The following PKNOX1 variants were observed in gnomAD, a reference collection of about 807,000 sequenced individuals.
The protein encoded by PKNOX1 is homeobox protein PKNOX1.
PKNOX1 carries 15 observed loss-of-function variants against 51.9 expected under a neutral mutation model. The ratio of observed to expected loss-of-function variants is 0.29; its 90% CI spans 0.19 to 0.45. PKNOX1 has a LOEUF of 0.45. Ranked by LOEUF, PKNOX1 falls within the 20% of genes least tolerant of loss-of-function variation. PKNOX1 has a pLI of 1.00. For synonymous variants in PKNOX1, 219 were observed against 211.1 expected (o/e 1.04, Z -0.32); for missense variants, 462 against 547.5 (o/e 0.84, Z 1.56).
chr21:42,985,179 G>T (rs1050705593), intron 1 of PKNOX1, among the ~76,000 whole-genome samples: 1 of 151,658 alleles, frequency 6.6e-6, no homozygotes, highest in South Asian at 2.1e-4. Flanking sequence ...GTAGAGACAG[G>T]TTTCACCACG....
intron 1 of PKNOX1, among the ~76,000 whole-genome samples, chr21:42,982,282 A>C (rs1165773292): frequency 6.6e-6 from 1 of 152,200 alleles, no homozygotes; most frequent in Non-Finnish European, 1.5e-5. Flanking sequence ...GGGTCACTCA[A>C]AGGGGCTGTG....
At chr21:42,985,971 A>T in intron 1 of PKNOX1, among the ~76,000 whole-genome samples, 1 of 147,784 alleles carries the variant, frequency 6.8e-6, no homozygotes, top group African/African-American at 2.5e-5. Flanking sequence ...ATTGCAGTCT[A>T]GCCTGGGCAA....
At chr21:42,985,003 A>T (rs142232801) in intron 1 of PKNOX1, among the ~76,000 whole-genome samples, 715 of 61,380 alleles carry the variant, frequency 0.012, 5 homozygotes, top group Non-Finnish European at 0.017. Context: ...TTTTTTTTTG[A>T]GATGGAGTCT....
intron 2 of PKNOX1, among the ~76,000 whole-genome samples, chr21:43,005,229 C>G (rs928915315): frequency 6.6e-6 from 1 of 152,182 alleles, no homozygotes; most frequent in East Asian, 1.9e-4. Context: ...GTACACCCCC[C>G]TCGGCTCTCC....
intron 1 of PKNOX1, among the ~76,000 whole-genome samples, chr21:42,997,580 G>C (rs1196365579): frequency 6.6e-6 from 1 of 152,270 alleles, no homozygotes; most frequent in Non-Finnish European, 1.5e-5. Flanking sequence ...AGCGCTAGTA[G>C]TTGGGGATGC....
intron 1 of PKNOX1, among the ~76,000 whole-genome samples, chr21:42,976,659 T>C (rs1039899190): frequency 6.6e-6 from 1 of 152,236 alleles, no homozygotes; most frequent in Non-Finnish European, 1.5e-5. Flanking sequence ...GAAACCACTT[T>C]CTTTGCTCAT....
chr21:42,977,491 CAGCTTCTTTCCTTAAACCT>C, intron 1 of PKNOX1, among the ~76,000 whole-genome samples: 1 of 148,164 alleles, frequency 6.7e-6, no homozygotes, highest in African/African-American at 2.5e-5. Context: ...GTTATGGGGA[CAGCTTCTTTCCTTAAACCT>C]CATGAACCAG....
intron 9 of PKNOX1, among the ~76,000 whole-genome samples, chr21:43,028,121 G>C (rs995350803): frequency 1.3e-5 from 2 of 152,218 alleles, no homozygotes; most frequent in African/African-American, 4.8e-5. Flanking sequence ...AGTCATCTAA[G>C]AAACAGCTCA....
chr21:42,994,921 T>C (rs560620842), intron 1 of PKNOX1, among the ~76,000 whole-genome samples: 27 of 87,536 alleles, frequency 3.1e-4, no homozygotes, highest in African/African-American at 7.1e-4. Context: ...CTTTCTTCTT[T>C]TTTTTTTTTT....
Position 43,032,046 on chromosome 21 carries a change from A to AGATGGGTTTCTCTACTAAACCT in PKNOX1, c.*1957_*1958insTACTAAACCTGATGGGTTTCTC. ...CCGGCTAATTTTGTATTTTTAGTAG[A>AGATGGGTTTCTCTACTAAACCT]GATGGGTTTCTCCATGTTGGTCGGG... On this transcript the variant is annotated 3_prime_UTR_variant, in exon 11 of 11. Coordinates refer to ENST00000291547, the MANE Select transcript of PKNOX1 (RefSeq NM_004571.5). 1 of 398,324 alleles carries AGATGGGTTTCTCTACTAAACCT rather than the reference A, an allele frequency of 2.5e-6. No homozygotes were observed. Among genetic ancestry groups the AGATGGGTTTCTCTACTAAACCT allele is most frequent in the Non-Finnish European group, 5.0e-6 (1 of 198,068 alleles). The allele number at this position is 398,324 out of a possible 1,614,324, so 24.7% of individuals were successfully genotyped here. A position where few individuals can be genotyped will look rare whatever the true frequency, so the allele number is the denominator to read the frequency against.
intron 1 of PKNOX1, among the ~76,000 whole-genome samples, chr21:42,987,540 A>G (rs2059060696): frequency 6.7e-6 from 1 of 150,008 alleles, no homozygotes; most frequent in South Asian, 2.1e-4. Context: ...TTGGTCAGGG[A>G]TTGGCAAACC....
At chr21:43,013,341 T>A in intron 5 of PKNOX1, 103 bp downstream of exon 5, 1 of 905,438 alleles carries the variant, frequency 1.1e-6, no homozygotes, top group Non-Finnish European at 1.6e-6. Context: ...GTCATCTTTA[T>A]GACTTTCTAC....
intron 8 of PKNOX1, chr21:43,024,451 G>C (rs1445291719): frequency 6.4e-6 from 1 of 157,128 alleles, no homozygotes; most frequent in Non-Finnish European, 1.4e-5. Flanking sequence ...TGTGGCAGAG[G>C]CTCCCGGGCC....
chr21:43,003,727 A>G (rs904718775), intron 1 of PKNOX1, among the ~76,000 whole-genome samples: 22 of 152,162 alleles, frequency 1.4e-4, no homozygotes, highest in African/African-American at 5.3e-4. Flanking sequence ...GCCGCACCCC[A>G]GGCCCAGCAT....
In PKNOX1 at chr21:43,010,075, G is replaced by A. The variant is rs1979181962; in HGVS notation, c.202G>A (p.Ala68Thr). 1 of 1,567,686 alleles carries A rather than the reference G, an allele frequency of 6.4e-7. No individual in the cohort carries two copies. Residue 68 changes from alanine to threonine, a missense_variant, in exon 4 of 11, where the codon GCT (alanine) becomes ACT (threonine). This residue lies in a region of PKNOX1 where 129 missense variants were observed against 133.4 expected (regional missense o/e 0.97). Coordinates refer to ENST00000291547, the MANE Select transcript of PKNOX1 (RefSeq NM_004571.5). ...IYRHPLFPLL[A>T]LLFEKCEQST... Reference sequence around the variant, plus strand: ...CAGGCATCCACTATTTCCATTATTAGCTTTGTTGTTTGAAAAATGTGAACA... The same window carrying A: ...CAGGCATCCACTATTTCCATTATTAACTTTGTTGTTTGAAAAATGTGAACA...
intron 1 of PKNOX1, among the ~76,000 whole-genome samples, chr21:42,980,859 T>C (rs749667218): frequency 6.6e-6 from 1 of 152,238 alleles, no homozygotes; most frequent in Non-Finnish European, 1.5e-5. Context: ...GAAGGAGTGC[T>C]ACATTTCAGC....
At chr21:43,025,633 G>A (rs1161386968) in intron 9 of PKNOX1, among the ~76,000 whole-genome samples, 1 of 152,172 alleles carries the variant, frequency 6.6e-6, no homozygotes, top group African/African-American at 2.4e-5. Flanking sequence ...CTGAAGTGGG[G>A]GGTGGTCTTC....
At chr21:42,978,800 T>A (rs1211981263) in intron 1 of PKNOX1, among the ~76,000 whole-genome samples, 2 of 151,686 alleles carry the variant, frequency 1.3e-5, no homozygotes, top group Non-Finnish European at 2.9e-5. Flanking sequence ...TGTTTTTTTT[T>A]AAAGAGATGA....
At chr21:43,028,656 C>G (rs751904374) in intron 9 of PKNOX1, 46 bp from the exon 10 acceptor site, 33 of 1,583,146 alleles carry the variant, frequency 2.1e-5, no homozygotes, top group Non-Finnish European at 2.7e-5. Context: ...TGTATAGGGT[C>G]TTTACGAAGG....
Sources: allele counts gnomAD v4.1 joint callset (sites outside exome capture counted in the v4.1 genomes callset), GRCh38; gene constraint gnomAD v4.1.1; regional missense constraint gnomAD v4.1.1; transcripts MANE v1.5; gene names NCBI Gene and HGNC (gene_info 2026-07-23, HGNC 2026-07-21).